Variants in LDB2 observed in about 807,000 individuals in gnomAD.
LDB2 encodes the protein LIM domain-binding protein 2.
Under a neutral mutation model 44.3 loss-of-function variants are expected in LDB2, and 12 were observed. That is an observed-to-expected ratio of 0.27 (90% CI 0.17 to 0.44). The LOEUF (loss-of-function observed/expected upper bound fraction) is 0.44, where lower values mean the gene tolerates loss of function less well. LDB2 is among the 20% of genes least tolerant of loss of function. The pLI, the probability that LDB2 is intolerant of heterozygous loss-of-function variation, is 1.00. For missense variants in LDB2, 344 were observed against 473.5 expected, an observed-to-expected ratio of 0.73 and a Z score of 2.54; for synonymous variants, 164 against 174.8, an observed-to-expected ratio of 0.94 and a Z score of 0.49.
At chr4:16,893,728 A>C (rs980101089) in intron 1 of LDB2, among the ~76,000 whole-genome samples, 3 of 152,182 alleles carry the variant, frequency 2.0e-5, no homozygotes, top group African/African-American at 7.2e-5. Context: ...TGATAAAAGA[A>C]AAAAACCTCA....
intron 2 of LDB2, among the ~76,000 whole-genome samples, chr4:16,695,919 AG>A (rs1752028072): frequency 6.6e-6 from 1 of 152,222 alleles, no homozygotes; most frequent in South Asian, 2.1e-4. Flanking sequence ...TTCAGGCTAT[AG>A]TTTCCCACTT....
At chr4:16,508,198 A>G (rs1459973585) in intron 7 of LDB2, among the ~76,000 whole-genome samples, 2 of 152,200 alleles carry the variant, frequency 1.3e-5, no homozygotes, top group Non-Finnish European at 2.9e-5. Context: ...TGGTGCTGAG[A>G]GGCCTTAATA....
At chr4:16,575,552 G>T (rs1202607043) in intron 5 of LDB2, among the ~76,000 whole-genome samples, 1 of 151,960 alleles carries the variant, frequency 6.6e-6, no homozygotes, top group Non-Finnish European at 1.5e-5. Context: ...CCATACGTTA[G>T]GTCACAAAAC....
intron 5 of LDB2, among the ~76,000 whole-genome samples, chr4:16,543,752 A>G (rs913437842): frequency 3.9e-5 from 6 of 152,120 alleles, no homozygotes; most frequent in Non-Finnish European, 8.8e-5. Context: ...ACAAAAGCCA[A>G]AATTGACAAA....
chr4:16,661,640 T>C (rs1741624165), intron 2 of LDB2, among the ~76,000 whole-genome samples: 2 of 152,194 alleles, frequency 1.3e-5, no homozygotes, highest in South Asian at 4.1e-4. Flanking sequence ...TTTAACGTTG[T>C]CCTCTTCATC....
intron 1 of LDB2, among the ~76,000 whole-genome samples, chr4:16,801,223 C>A (rs541203839): frequency 1.3e-5 from 2 of 152,302 alleles, no homozygotes; most frequent in South Asian, 4.1e-4. Context: ...CCTGTAAGCT[C>A]TTAAGCCCCT....
intron 1 of LDB2, among the ~76,000 whole-genome samples, chr4:16,855,951 T>G (rs1234656749): frequency 6.6e-6 from 1 of 152,152 alleles, no homozygotes; most frequent in East Asian, 1.9e-4. Flanking sequence ...TGGTTTCAGA[T>G]TCCACACTAA....
chr4:16,845,520 T>G (rs1486283856), intron 1 of LDB2, among the ~76,000 whole-genome samples: 1 of 152,214 alleles, frequency 6.6e-6, no homozygotes, highest in Non-Finnish European at 1.5e-5. Context: ...TTGTTATGGT[T>G]GCTAATACTA....
intron 1 of LDB2, among the ~76,000 whole-genome samples, chr4:16,782,885 G>A (rs539957457): frequency 2.9e-4 from 44 of 152,066 alleles, no homozygotes; most frequent in African/African-American, 9.9e-4. Flanking sequence ...CAAACATGTG[G>A]GTGTATTATT....
intron 5 of LDB2, among the ~76,000 whole-genome samples, chr4:16,526,849 G>A (rs1404271987): frequency 1.3e-5 from 2 of 152,168 alleles, no homozygotes; most frequent in Admixed American, 6.5e-5. Context: ...CTGATCTACC[G>A]CAAGATCAAT....
At chr4:16,791,815 T>C (rs954224627) in intron 1 of LDB2, among the ~76,000 whole-genome samples, 19 of 152,204 alleles carry the variant, frequency 1.2e-4, no homozygotes, top group African/African-American at 4.3e-4. Context: ...TCAGGTATCA[T>C]AAAATGTTTA....
At position 16,851,921 on chromosome 4, in the gene LDB2, G is replaced by C. The variant is rs1368574167; in HGVS notation, c.132+46433C>G. Among the ~76,000 whole-genome samples the C allele has an allele frequency of 2.6e-5, 4 of 152,218 alleles. No homozygotes were observed. In the South Asian group the frequency reaches 6.2e-4, roughly 24 times the overall value. On this transcript the variant is annotated intron_variant, in intron 1 of 7. Coordinates refer to ENST00000304523, the MANE Select transcript of LDB2 (RefSeq NM_001290.5). ...CCACAAGGTGGACAAGTGCGTAGCA[G>C]CCAAAACATGGTGGAGATTAATGGC...
chr4:16,704,648 G>A (rs960572221), intron 2 of LDB2, among the ~76,000 whole-genome samples: 1 of 152,150 alleles, frequency 6.6e-6, no homozygotes, highest in Non-Finnish European at 1.5e-5. Flanking sequence ...CTGGGCTGTT[G>A]GTTTAATGTC....
intron 2 of LDB2, among the ~76,000 whole-genome samples, chr4:16,707,898 C>A (rs759984184): frequency 2.1e-4 from 32 of 152,176 alleles, no homozygotes; most frequent in Non-Finnish European, 3.4e-4. Context: ...GCCCATGCGA[C>A]TCACAGCTGG....
At chr4:16,655,994 G>C (rs1002704969) in intron 2 of LDB2, among the ~76,000 whole-genome samples, 1 of 138,130 alleles carries the variant, frequency 7.2e-6, no homozygotes, top group Non-Finnish European at 1.5e-5. Context: ...CCACCTCCCG[G>C]GTTCACGCCA....
Position 16,739,614 on chromosome 4 carries a change from ATATACATGTGTG to A in LDB2, c.235+19532_235+19543del, listed in dbSNP as rs1762623048. On this transcript the variant is annotated intron_variant, in intron 2 of 7. Coordinates refer to ENST00000304523, the MANE Select transcript of LDB2 (RefSeq NM_001290.5). ...AATATATATATATATATATATGTAT[ATATACATGTGTG>A]TGTATATATGTATATATACATATGT... 9.4e-5 allele frequency among the ~76,000 whole-genome samples: 8 copies of A among 85,166 alleles called. 1 individual carries two copies. In the South Asian group the frequency reaches 1.0e-3, roughly 11 times the overall value. 55.9% of individuals were successfully genotyped at this position (85,166 alleles called of 152,430 possible).
At chr4:16,529,446 C>G (rs1009939759) in intron 5 of LDB2, among the ~76,000 whole-genome samples, 4 of 152,016 alleles carry the variant, frequency 2.6e-5, no homozygotes, top group Non-Finnish European at 5.9e-5. Context: ...TCCCTTCATC[C>G]TCAGCAGAAA....
chr4:16,784,539 A>G (rs1166418853), intron 1 of LDB2, among the ~76,000 whole-genome samples: 1 of 152,184 alleles, frequency 6.6e-6, no homozygotes, highest in Non-Finnish European at 1.5e-5. Flanking sequence ...ATAAAGAGCA[A>G]TGGTTCAGGA....
chr4:16,847,339 GT>G lies in LDB2; in HGVS notation c.132+51014del, dbSNP rs541781235. ...CACTTATATCCATACTAATGGAAAG[GT>G]CAATTACTCAATACTGTTGGAAACT... On this transcript the variant is annotated intron_variant, in intron 1 of 7. Coordinates refer to ENST00000304523, the MANE Select transcript of LDB2 (RefSeq NM_001290.5). Among the ~76,000 whole-genome samples the G allele has an allele frequency of 7.9e-5, 12 of 152,210 alleles. No homozygotes were observed. In the East Asian group the frequency reaches 2.3e-3, roughly 29 times the overall value.
Sources: gnomAD v4.1 joint callset for allele counts (sites outside exome capture counted in the v4.1 genomes callset) on GRCh38, gnomAD v4.1.1 for gene constraint, MANE v1.5 for transcripts, NCBI Gene and HGNC (gene_info 2026-07-23, HGNC 2026-07-21) for gene names.